SLC24A2: variants seen among roughly 807,000 people sequenced by gnomAD.
SLC24A2 encodes sodium/potassium/calcium exchanger 2.
SLC24A2 carries 36 observed loss-of-function variants against 62.0 expected under a neutral mutation model. The ratio of observed to expected loss-of-function variants is 0.58; its 90% CI spans 0.44 to 0.77. SLC24A2 has a LOEUF of 0.77. Ranked by LOEUF, SLC24A2 falls within the 30% of genes least tolerant of loss-of-function variation. The pLI is 0.00. For missense variants in SLC24A2, 846 were observed against 817.9 expected (o/e 1.03, Z -0.42); for synonymous variants, 358 against 294.0 (o/e 1.22, Z -2.23).
At chr9:19,596,714 A>G (rs1409836176) in intron 5 of SLC24A2, among the ~76,000 whole-genome samples, 1 of 152,194 alleles carries the variant, frequency 6.6e-6, no homozygotes, top group African/African-American at 2.4e-5. Context: ...CTCCTATCTG[A>G]AACAATAGGG....
chr9:19,944,100 A>C, the SLC24A2 span, among the ~76,000 whole-genome samples: 1 of 152,174 alleles, frequency 6.6e-6, no homozygotes, highest in African/African-American at 2.4e-5. Flanking sequence ...ACAGATGCTG[A>C]GGACTACTAG....
chr9:19,656,866 C>T (rs1433384809), intron 2 of SLC24A2, among the ~76,000 whole-genome samples: 1 of 152,190 alleles, frequency 6.6e-6, no homozygotes, highest in Non-Finnish European at 1.5e-5. Flanking sequence ...TCTCACCTGC[C>T]AGGTGGAGCT....
chr9:19,651,499 A>G (rs957158959), intron 2 of SLC24A2, among the ~76,000 whole-genome samples: 2 of 152,228 alleles, frequency 1.3e-5, no homozygotes, highest in African/African-American at 2.4e-5. Context: ...CCTCCTGGGA[A>G]AAACATGACA....
At chr9:20,215,173 C>T in the SLC24A2 span, among the ~76,000 whole-genome samples, 2 of 152,216 alleles carry the variant, frequency 1.3e-5, no homozygotes, top group African/African-American at 4.8e-5. Context: ...TGTGTCCTCA[C>T]ATGGTGGAAG....
the SLC24A2 span, among the ~76,000 whole-genome samples, chr9:19,873,256 TC>T: frequency 1.3e-5 from 2 of 151,888 alleles, no homozygotes; most frequent in Admixed American, 6.6e-5. Context: ...TTCTCTTTCT[TC>T]TTTTTCTTTC....
chr9:19,840,063 G>T, the SLC24A2 span, among the ~76,000 whole-genome samples: 3 of 152,136 alleles, frequency 2.0e-5, no homozygotes, highest in Non-Finnish European at 2.9e-5. Context: ...GCATGACTGT[G>T]TATCATTTTC....
the SLC24A2 span, among the ~76,000 whole-genome samples, chr9:20,224,528 A>G: frequency 2.0e-5 from 3 of 152,104 alleles, no homozygotes; most frequent in African/African-American, 4.8e-5. Context: ...CTGCTTTAGG[A>G]GCCATTTGGT....
chr9:20,244,392 C>G, the SLC24A2 span, among the ~76,000 whole-genome samples: 1 of 152,148 alleles, frequency 6.6e-6, no homozygotes, highest in Non-Finnish European at 1.5e-5. Context: ...TAAGCCAGCA[C>G]TGAGGGATAA....
At chr9:19,804,647 G>A in the SLC24A2 span, among the ~76,000 whole-genome samples, 1 of 151,894 alleles carries the variant, frequency 6.6e-6, no homozygotes, top group Non-Finnish European at 1.5e-5. Context: ...TTTTCTAATT[G>A]CACTGGTTAG....
chr9:19,799,985 G>T, the SLC24A2 span, among the ~76,000 whole-genome samples: 5 of 152,130 alleles, frequency 3.3e-5, no homozygotes, highest in African/African-American at 1.2e-4. Flanking sequence ...TCTAGCTTCG[G>T]CGGCTCTGAG....
At chr9:19,916,981 G>GTTTTTT in the SLC24A2 span, among the ~76,000 whole-genome samples, 1,459 of 71,740 alleles carry the variant, frequency 0.02, 75 homozygotes, top group Non-Finnish European at 0.026. Context: ...TAACTTACCT[G>GTTTTTT]TTTTTTTTTT....
chr9:19,617,014 A>G (rs981639538), intron 4 of SLC24A2, among the ~76,000 whole-genome samples: 13 of 152,124 alleles, frequency 8.5e-5, no homozygotes, highest in African/African-American at 3.1e-4. Flanking sequence ...AACAGAGTGA[A>G]ATTGAGTTTG....
intron 2 of SLC24A2, among the ~76,000 whole-genome samples, chr9:19,696,055 C>T (rs1330049168): frequency 1.3e-5 from 2 of 152,148 alleles, no homozygotes; most frequent in African/African-American, 2.4e-5. Flanking sequence ...GTGAGCATTA[C>T]TGCCTGAGCT....
chr9:19,543,670 C>G (rs1834397037), intron 8 of SLC24A2, among the ~76,000 whole-genome samples: 1 of 152,064 alleles, frequency 6.6e-6, no homozygotes, highest in Non-Finnish European at 1.5e-5. Flanking sequence ...TTTGTTTCTG[C>G]CTTCATTTCG....
chr9:19,699,021 G>C (rs1490216500), intron 2 of SLC24A2, among the ~76,000 whole-genome samples: 1 of 152,198 alleles, frequency 6.6e-6, no homozygotes, highest in African/African-American at 2.4e-5. Flanking sequence ...AACTTGGCAA[G>C]TGTCTGGCTT....
the SLC24A2 span, among the ~76,000 whole-genome samples, chr9:19,897,938 TC>T: frequency 1.3e-5 from 2 of 152,208 alleles, no homozygotes; most frequent in Admixed American, 6.5e-5. Flanking sequence ...ATCCCACTTT[TC>T]CTTTTGCTGA....
the SLC24A2 span, among the ~76,000 whole-genome samples, chr9:19,905,677 G>A: frequency 6.6e-6 from 1 of 151,922 alleles, no homozygotes; most frequent in Non-Finnish European, 1.5e-5. Context: ...TTACAGGTGT[G>A]AGCAACCGAG....
At chr9:20,218,158 A>G in the SLC24A2 span, among the ~76,000 whole-genome samples, 1 of 152,336 alleles carries the variant, frequency 6.6e-6, no homozygotes, top group East Asian at 1.9e-4. Context: ...ATTCTGAACT[A>G]GGAAGGCACT....
At chr9:19,569,553 G>A (rs946484113) in intron 7 of SLC24A2, among the ~76,000 whole-genome samples, 1 of 152,190 alleles carries the variant, frequency 6.6e-6, no homozygotes, top group Non-Finnish European at 1.5e-5. Context: ...ACCAGTACGT[G>A]TCATCATCAG....
Sources: gnomAD v4.1 joint callset for allele counts (sites outside exome capture counted in the v4.1 genomes callset) on GRCh38, gnomAD v4.1.1 for gene constraint, MANE v1.5 for transcripts, NCBI Gene and HGNC (gene_info 2026-07-23, HGNC 2026-07-21) for gene names.